Variants in TAB2 observed in about 807,000 individuals in gnomAD.
TAB2 encodes TGF-beta activated kinase 1 (MAP3K7) binding protein 2, also known as TGF-beta-activated kinase 1 and MAP3K7-binding protein 2.
A neutral mutation model predicts 65.0 loss-of-function variants in TAB2; 3 were observed. The ratio of observed to expected loss-of-function variants is 0.05; its 90% CI spans 0.02 to 0.12. The LOEUF (loss-of-function observed/expected upper bound fraction) is 0.12. Among genes scored for constraint, TAB2 ranks in the 10% least tolerant of loss-of-function variants. The pLI is 1.00. For synonymous variants in TAB2, 298 were observed against 285.1 expected (o/e 1.05, Z -0.46); for missense variants, 623 against 840.3 (o/e 0.74, Z 3.20).
chr6:149,291,559 AG>A (rs1203887328), intron 1 of TAB2: 1 of 152,340 alleles, frequency 6.6e-6, no homozygotes, highest in African/African-American at 2.4e-5. Context: ...GAAATGAAGC[AG>A]GTCAAAACTG....
chr6:149,348,677 G>A (rs1172782151), intron 1 of TAB2, among the ~76,000 whole-genome samples: 1 of 150,790 alleles, frequency 6.6e-6, no homozygotes, highest in Non-Finnish European at 1.5e-5. Flanking sequence ...TAAAAAAAAA[G>A]ATAAGGCCGG....
chr6:149,337,413 G>A (rs571776685), intron 1 of TAB2, among the ~76,000 whole-genome samples: 3 of 152,242 alleles, frequency 2.0e-5, no homozygotes, highest in East Asian at 1.9e-4. Flanking sequence ...CATGACCCCC[G>A]ATCTAGTGGA....
Position 149,337,360 on chromosome 6 carries a change from C to T in TAB2, c.-90+19345C>T, listed in dbSNP as rs537975804. Among the ~76,000 whole-genome samples the T allele has an allele frequency of 1.1e-4, 16 of 152,280 alleles. No homozygotes were observed. In the East Asian group the frequency reaches 3.1e-3, roughly 29 times the overall value. Reference sequence around the variant, plus strand: ...TGTATTTTATGCATTTAAAACCACTCTGAGGGGGACTCTGTAGCTTTCTCC... The same window carrying T: ...TGTATTTTATGCATTTAAAACCACTTTGAGGGGGACTCTGTAGCTTTCTCC... On this transcript the variant is annotated intron_variant, in intron 1 of 6. Coordinates refer to ENST00000637181, the MANE Select transcript of TAB2 (RefSeq NM_001292034.3).
rs1340808753 is a variant in TAB2, at chr6:149,333,741, G to GTGTGTGTGTGTGTGTGTGTGTC, written c.-90+15731_-90+15732insGTGTGTGTGTGTGTGTCTGTGT. On this transcript the variant is annotated intron_variant, in intron 1 of 6. Coordinates refer to ENST00000637181, the MANE Select transcript of TAB2 (RefSeq NM_001292034.3). ...TGTGTGTGTGTGTGTGTGTGTGTGT[G>GTGTGTGTGTGTGTGTGTGTGTC]TGTGTCTATGTGTCTGTGTGTACAG... Among the ~76,000 whole-genome samples the GTGTGTGTGTGTGTGTGTGTGTC allele has an allele frequency of 1.6e-4, 24 of 151,018 alleles. No individual in the cohort carries two copies. The East Asian group carries it at 4.7e-3, about 29-fold the overall frequency.
At chr6:149,287,064 C>A (rs1778689250) in intron 1 of TAB2, among the ~76,000 whole-genome samples, 3 of 152,134 alleles carry the variant, frequency 2.0e-5, no homozygotes, top group South Asian at 4.1e-4. Flanking sequence ...TTGCAGTGAG[C>A]CGAGACGGAG....
chr6:149,391,932 T>C (rs777775430), intron 3 of TAB2, among the ~76,000 whole-genome samples: 1 of 152,148 alleles, frequency 6.6e-6, no homozygotes, highest in Non-Finnish European at 1.5e-5. Flanking sequence ...GTGATGTTTT[T>C]AATTTCCAAG....
intron 3 of TAB2, among the ~76,000 whole-genome samples, chr6:149,385,188 C>G (rs1186950015): frequency 3.3e-5 from 5 of 152,086 alleles, no homozygotes; most frequent in Non-Finnish European, 7.4e-5. Context: ...CAACACGTTT[C>G]TTTTTAATGA....
At chr6:149,341,269 C>A (rs1780117629) in intron 1 of TAB2, among the ~76,000 whole-genome samples, 1 of 151,856 alleles carries the variant, frequency 6.6e-6, no homozygotes, top group Non-Finnish European at 1.5e-5. Context: ...CAAAATTGAC[C>A]TCTCTCATAT....
At chr6:149,397,944 T>A in intron 4 of TAB2, 25 bp from the exon 5 acceptor site, 1 of 1,607,042 alleles carries the variant, frequency 6.2e-7, no homozygotes, top group South Asian at 1.1e-5. Context: ...AGTGCAAATC[T>A]TACTTACATA....
intron 1 of TAB2, among the ~76,000 whole-genome samples, chr6:149,368,137 A>T (rs1583129874): frequency 6.6e-6 from 1 of 152,306 alleles, no homozygotes; most frequent in East Asian, 1.9e-4. Flanking sequence ...AAGGAAAAGG[A>T]TCCAGCAAAG....
chr6:149,335,297 A>G (rs1779899591), intron 1 of TAB2, among the ~76,000 whole-genome samples: 1 of 151,322 alleles, frequency 6.6e-6, no homozygotes, highest in Non-Finnish European at 1.5e-5. Flanking sequence ...AAGTTTATAT[A>G]TAGATATGTA....
At chr6:149,222,367 C>G (rs146722016) in intron 1 of TAB2, among the ~76,000 whole-genome samples, 5 of 152,216 alleles carry the variant, frequency 3.3e-5, no homozygotes, top group African/African-American at 1.2e-4. Flanking sequence ...CCTGTAATCC[C>G]AACACTTTGG....
At chr6:149,384,868 A>T (rs953349112) in intron 3 of TAB2, among the ~76,000 whole-genome samples, 23 of 151,886 alleles carry the variant, frequency 1.5e-4, no homozygotes, top group African/African-American at 5.3e-4. Flanking sequence ...AGAAACTCTT[A>T]AAAAAAACTA....
intron 3 of TAB2, among the ~76,000 whole-genome samples, chr6:149,390,573 G>A (rs1016898341): frequency 6.6e-6 from 1 of 152,084 alleles, no homozygotes; most frequent in Non-Finnish European, 1.5e-5. Flanking sequence ...ATAAAATTGA[G>A]TAACGAAGAA....
chr6:149,255,822 C>T (rs750958298), intron 1 of TAB2, among the ~76,000 whole-genome samples: 20 of 152,220 alleles, frequency 1.3e-4, no homozygotes, highest in Non-Finnish European at 2.8e-4. Flanking sequence ...AATTGCCTCT[C>T]TTTTCATGCC....
At chr6:149,284,425 T>C (rs112571339) in intron 1 of TAB2, among the ~76,000 whole-genome samples, 3 of 152,202 alleles carry the variant, frequency 2.0e-5, no homozygotes, top group Non-Finnish European at 4.4e-5. Context: ...AACAATGTTA[T>C]AGAGTGTTCT....
intron 1 of TAB2, chr6:149,243,495 A>G (rs939214623): frequency 1.3e-5 from 2 of 152,268 alleles, no homozygotes; most frequent in African/African-American, 4.8e-5. Context: ...CTGTGTGCAA[A>G]GAAATGGAAA....
intron 3 of TAB2, among the ~76,000 whole-genome samples, chr6:149,383,972 C>G (rs1016880843): frequency 7.2e-5 from 11 of 152,184 alleles, no homozygotes; most frequent in Admixed American, 7.2e-4. Context: ...TGCTTTTACC[C>G]TACATAGTTC....
rs116696958 is a variant in TAB2 at position 149,301,770 on chromosome 6, T to A, written c.-120-76248T>A. On this transcript the variant is annotated intron_variant, in intron 1 of 1. Coordinates refer to the TAB2 transcript ENST00000606202. ...CTACTTTTCAACAAACACTATTTAC[T>A]GAACATGTTACAACCTTTAAAATCT... Among the ~76,000 whole-genome samples the A allele has an allele frequency of 2.6e-5, 4 of 152,334 alleles. No individual in the cohort carries two copies. The East Asian group carries it at 7.7e-4, about 29-fold the overall frequency.
Sources: allele counts gnomAD v4.1 joint callset (sites outside exome capture counted in the v4.1 genomes callset), GRCh38; gene constraint gnomAD v4.1.1; transcripts MANE v1.5; gene names NCBI Gene and HGNC (gene_info 2026-07-23, HGNC 2026-07-21).